Variants in SVEP1 observed in about 807,000 individuals in gnomAD.
SVEP1 encodes the protein sushi, von Willebrand factor type A, EGF and pentraxin domain-containing protein 1.
In SVEP1, 164 loss-of-function variants were observed where a neutral mutation model predicts 367.3. The observed-to-expected ratio is 0.45, with a 90% CI of 0.39 to 0.51. The LOEUF is 0.51. Ranked by LOEUF, SVEP1 falls within the 20% of genes least tolerant of loss-of-function variation. The pLI is 0.00. For missense variants in SVEP1, 4,117 were observed against 4,425.3 expected (o/e 0.93, Z 1.98); for synonymous variants, 1,666 against 1,611.6 (o/e 1.03, Z -0.81).
Position 110,564,308 on chromosome 9 carries a change from AG to A in SVEP1, c.532-14205del, listed in dbSNP as rs1443623803. 2.8e-4 allele frequency among the ~76,000 whole-genome samples: 43 copies of A among 152,360 alleles called. 1 individual carries two copies. The highest frequency in any genetic ancestry group is 1.4e-3 in the Admixed American group (22 of 15,302). ...ATGTGATTTATGATTCAAAGCTGTT[AG>A]AAAAGAAATAATGTCTTCTTACCAG... is the stretch of plus-strand genomic sequence containing the variant. On this transcript the variant is annotated intron_variant, in intron 1 of 47. Transcript: ENST00000374469.
Position 110,407,038 on chromosome 9 carries a change from C to T in SVEP1, c.8562G>A (p.Glu2854=). The T allele has an allele frequency of 1.2e-6, 2 of 1,613,978 alleles. No individual in the cohort carries two copies. The highest frequency in any genetic ancestry group is 1.7e-6 in the Non-Finnish European group (2 of 1,179,874). ...VRGDEYTFQK[E]IEYTCNEGFL... ...ACCCTTCATTGCAAGTGTATTCAAT[C>T]TCTTTTTGGAATGTGTACTCGTCTC... The change falls in exon 38 of 48, where the codon GAG becomes GAA. Residue 2854 remains glutamate (E), a synonymous_variant. Transcript: ENST00000374469.
Position 110,427,465 on chromosome 9 carries a change from A to G in SVEP1, c.5975+126T>C, listed in dbSNP as rs1256383280. On this transcript the variant is annotated intron_variant, in intron 36 of 47. Transcript: ENST00000374469. The stretch of plus-strand genomic sequence containing the variant: ...GTCTCTGCAGGTAGGAAATAAAAGC[A>G]TAAGGCTCTCTTTGTCTTTGGCTGC... The G allele has an allele frequency of 2.5e-5, 29 of 1,156,222 alleles. No individual in the cohort carries two copies. In the East Asian group the frequency reaches 6.9e-4, roughly 27 times the overall value. 71.6% of individuals were successfully genotyped at this position (1,156,222 alleles called of 1,614,324 possible).
intron 36 of SVEP1, among the ~76,000 whole-genome samples, chr9:110,416,953 T>G (rs1338287744): frequency 6.6e-6 from 1 of 152,038 alleles, no homozygotes; most frequent in Non-Finnish European, 1.5e-5. Flanking sequence ...CAACCAAAAA[T>G]GTCTCCAGAC....
chr9:110,401,857 AT>A (rs1435698919), intron 39 of SVEP1, among the ~76,000 whole-genome samples: 1 of 151,978 alleles, frequency 6.6e-6, no homozygotes, highest in East Asian at 1.9e-4. Context: ...TATTGCTAAT[AT>A]TTTTCTGTTT....
chr9:110,457,905 A>T (rs1414233493), intron 20 of SVEP1, among the ~76,000 whole-genome samples: 1 of 152,244 alleles, frequency 6.6e-6, no homozygotes, highest in African/African-American at 2.4e-5. Flanking sequence ...CAAGGAATTC[A>T]TGACATTGGA....
intron 27 of SVEP1, chr9:110,442,401 G>A (rs7864433): frequency 0.13 from 19,690 of 151,894 alleles, 1,601 homozygotes; most frequent in South Asian, 0.23. Context: ...GGTTTGATCC[G>A]CATGGATCTT....
chr9:110,381,034 GTTGT>G (rs1201696826), intron 43 of SVEP1, among the ~76,000 whole-genome samples: 59 of 152,000 alleles, frequency 3.9e-4, no homozygotes, highest in Non-Finnish European at 1.3e-4. Context: ...TCTGATGGTT[GTTGT>G]TTGTATTTCT....
chr9:110,540,479 C>T (rs532677702), intron 3 of SVEP1, among the ~76,000 whole-genome samples: 2 of 152,100 alleles, frequency 1.3e-5, no homozygotes, highest in South Asian at 2.1e-4. Context: ...AATACCAATG[C>T]TTTTGTAAAA....
At chr9:110,483,753 T>C in intron 9 of SVEP1, 60 bp from the exon 10 acceptor site, 1 of 1,322,756 alleles carries the variant, frequency 7.6e-7, no homozygotes. Flanking sequence ...GATGAGGAGG[T>C]TTTCAAAAGA....
intron 27 of SVEP1, among the ~76,000 whole-genome samples, chr9:110,437,410 T>G (rs1043985665): frequency 6.6e-6 from 1 of 152,206 alleles, no homozygotes; most frequent in Non-Finnish European, 1.5e-5. Flanking sequence ...ATTTTGGTCT[T>G]CTTAACCATG....
chr9:110,448,177 G>GCC (rs1554715886), intron 24 of SVEP1, among the ~76,000 whole-genome samples: 1 of 151,970 alleles, frequency 6.6e-6, no homozygotes, highest in Non-Finnish European at 1.5e-5. Flanking sequence ...GCGCTCGCGC[G>GCC]TGTGTATGCA....
intron 37 of SVEP1, among the ~76,000 whole-genome samples, chr9:110,410,002 T>C (rs1219831770): frequency 6.6e-6 from 1 of 152,016 alleles, no homozygotes; most frequent in Non-Finnish European, 1.5e-5. Flanking sequence ...GCTCTAGAAA[T>C]ATTTATTAAA....
Position 110,438,177 on chromosome 9 carries a change from ATTTTTTTTT to A in SVEP1, c.4640-1682_4640-1674del, listed in dbSNP as rs10593866. Among the ~76,000 whole-genome samples the A allele has an allele frequency of 6.1e-3, 461 of 75,562 alleles. 2 individuals are homozygous for A. Among genetic ancestry groups the A allele is most frequent in the African/African-American group, 0.021 (414 of 19,840 alleles). 49.6% of individuals were successfully genotyped at this position (75,562 alleles called of 152,430 possible). On this transcript the variant is annotated intron_variant, in intron 27 of 47. Coordinates refer to ENST00000374469, the MANE Select transcript of SVEP1 (RefSeq NM_153366.4). ...TTTCATGAGTTTTAGTAGTTATGCT[ATTTTTTTTT>A]TTTTTTTTTTTTTTTTTTGAGACAG...
intron 3 of SVEP1, among the ~76,000 whole-genome samples, chr9:110,533,450 T>A (rs1830044612): frequency 6.6e-6 from 1 of 152,200 alleles, no homozygotes; most frequent in Non-Finnish European, 1.5e-5. Context: ...CTAACTGGTA[T>A]CAATAACTAT....
At chr9:110,464,031 TA>T (rs896995198) in intron 18 of SVEP1, among the ~76,000 whole-genome samples, 12 of 151,168 alleles carry the variant, frequency 7.9e-5, no homozygotes, top group Non-Finnish European at 1.3e-4. Flanking sequence ...TTTAGAAAGC[TA>T]AAAAAAAATT....
chr9:110,398,786 CA>C (rs1164481202), intron 40 of SVEP1, among the ~76,000 whole-genome samples: 2 of 152,164 alleles, frequency 1.3e-5, no homozygotes, highest in Non-Finnish European at 2.9e-5. Context: ...AAATCAAAAC[CA>C]CAATGAGATG....
intron 18 of SVEP1, among the ~76,000 whole-genome samples, chr9:110,460,409 G>A (rs1203186598): frequency 6.6e-6 from 1 of 152,250 alleles, no homozygotes; most frequent in Middle Eastern, 3.4e-3. Flanking sequence ...TATCAATCAT[G>A]TACTATAAGT....
chr9:110,506,864 G>A (rs1164762338), intron 5 of SVEP1, among the ~76,000 whole-genome samples: 1 of 152,024 alleles, frequency 6.6e-6, no homozygotes, highest in Non-Finnish European at 1.5e-5. Flanking sequence ...GAGGAGAGGA[G>A]AAGAGGAAGA....
At chr9:110,564,599 A>G (rs141983581) in intron 1 of SVEP1, among the ~76,000 whole-genome samples, 338 of 152,310 alleles carry the variant, frequency 2.2e-3, no homozygotes, top group African/African-American at 7.8e-3. Flanking sequence ...AAAAAAACAC[A>G]TTTAATTTGT....
Sources: gnomAD v4.1 joint callset for allele counts (sites outside exome capture counted in the v4.1 genomes callset) on GRCh38, gnomAD v4.1.1 for gene constraint, MANE v1.5 for transcripts, NCBI Gene and HGNC (gene_info 2026-07-23, HGNC 2026-07-21) for gene names.